The following ZSCAN25 variants were observed in gnomAD, a reference collection of about 807,000 sequenced individuals.
ZSCAN25 encodes zinc finger and SCAN domain-containing protein 25.
In ZSCAN25, 27 loss-of-function variants were observed where a neutral mutation model predicts 38.7. The observed-to-expected ratio is 0.70, with a 90% CI of 0.51 to 0.96. The LOEUF (loss-of-function observed/expected upper bound fraction) is 0.96. ZSCAN25 is among the 40% of genes least tolerant of loss of function. ZSCAN25 has a pLI of 0.00. For synonymous variants in ZSCAN25, 273 were observed against 277.7 expected, an observed-to-expected ratio of 0.98 and a Z score of 0.17; for missense variants, 637 against 705.9, an observed-to-expected ratio of 0.90 and a Z score of 1.11.
At chr7:99,671,594 T>G in the ZSCAN25 span, 14 of 431,756 alleles carry the variant, frequency 3.2e-5, no homozygotes, top group Non-Finnish European at 4.5e-5. Flanking sequence ...TAACACAAAA[T>G]GGGTAATAGA....
At chr7:99,679,244 G>A in the ZSCAN25 span, among the ~76,000 whole-genome samples, 1 of 152,154 alleles carries the variant, frequency 6.6e-6, no homozygotes, top group African/African-American at 2.4e-5. Flanking sequence ...CAGGGGCATG[G>A]CACAGGAAAG....
chr7:99,663,120 C>T, the ZSCAN25 span: 1 of 1,236,604 alleles, frequency 8.1e-7, no homozygotes, highest in Non-Finnish European at 1.0e-6. Flanking sequence ...TCGCCTTTGC[C>T]CTCCCTGTTT....
chr7:99,638,537 G>T, the ZSCAN25 span: 1 of 1,518,360 alleles, frequency 6.6e-7, no homozygotes, highest in Non-Finnish European at 9.1e-7. Flanking sequence ...TCCCAGTGTA[G>T]TTATGCCGCG....
chr7:99,663,835 A>G, the ZSCAN25 span: 7 of 1,371,414 alleles, frequency 5.1e-6, no homozygotes, highest in East Asian at 1.9e-4. Flanking sequence ...ATTTCTACCA[A>G]ATGGCTTCTC....
the ZSCAN25 span, chr7:99,677,320 C>T: frequency 1.1e-6 from 1 of 885,934 alleles, no homozygotes; most frequent in Non-Finnish European, 1.4e-6. Context: ...ACAGTTGGCT[C>T]CAGAGAGGCA....
chr7:99,677,083 G>T, the ZSCAN25 span: 3 of 681,006 alleles, frequency 4.4e-6, no homozygotes, highest in Non-Finnish European at 5.4e-6. Flanking sequence ...GCCTCTGTAC[G>T]TGAAGTATCT....
At chr7:99,717,461 T>C in the ZSCAN25 span, 1 of 1,602,294 alleles carries the variant, frequency 6.2e-7, no homozygotes, top group Non-Finnish European at 8.5e-7. Context: ...CTGATCTTAC[T>C]TTCTACCTGT....
At chr7:99,634,451 C>T (rs559346781), downstream of ZSCAN25, among the ~76,000 whole-genome samples, 73 of 149,964 alleles carry the variant, frequency 4.9e-4, no homozygotes, top group Admixed American at 2.3e-3. Context: ...GCCAGGAGTT[C>T]GAGACCAGCC....
downstream of ZSCAN25, among the ~76,000 whole-genome samples, chr7:99,636,257 G>T (rs1223047436): frequency 6.6e-6 from 1 of 152,104 alleles, no homozygotes; most frequent in Non-Finnish European, 1.5e-5. Flanking sequence ...AAAGCAACCA[G>T]TGTTCTTAGA....
At chr7:99,662,776 G>A in the ZSCAN25 span, 28 of 1,576,074 alleles carry the variant, frequency 1.8e-5, no homozygotes, top group African/African-American at 2.7e-5. This position sits in a 1 kb window ranked among gnomAD's most constrained non-coding sequence, Gnocchi z 4.3. Flanking sequence ...CTCCCTCTTA[G>A]TGTCCCCGCC....
chr7:99,621,461 T>C lies in ZSCAN25; in HGVS notation c.476T>C (p.Val159Ala). Residue 159 changes from valine (V) to alanine (A), a missense_variant, in exon 5 of 8, where the codon GTC becomes GCC. Transcript: ENST00000394152. The part of the protein sequence containing the change: ...EPGIQLGPVE[V>A]KPEWGMPPGE... ...GGCATCCAGCTGGGGCCAGTGGAGG[T>C]CAAGCCTGAATGGGGGATGCCCCCT... The C allele has an allele frequency of 1.3e-6, 2 of 1,564,318 alleles. No individual in the cohort carries two copies. The highest frequency in any genetic ancestry group is 1.7e-6 in the Non-Finnish European group (2 of 1,150,148).
At chr7:99,722,390 T>C in the ZSCAN25 span, 3 of 1,607,648 alleles carry the variant, frequency 1.9e-6, no homozygotes, top group Non-Finnish European at 2.6e-6. Context: ...TTATTTTAAG[T>C]GTACTTAACC....
At chr7:99,672,489 A>C in the ZSCAN25 span, 1 of 1,129,192 alleles carries the variant, frequency 8.9e-7, no homozygotes, top group Non-Finnish European at 1.3e-6. Flanking sequence ...TACATTTTTT[A>C]GGTAACCTTC....
At chr7:99,709,341 T>C in the ZSCAN25 span, 2 of 1,553,384 alleles carry the variant, frequency 1.3e-6, no homozygotes, top group Non-Finnish European at 1.7e-6. Context: ...ACTGTTGAAC[T>C]GTTAGAAGTT....
chr7:99,708,026 G>C, the ZSCAN25 span: 4 of 1,612,700 alleles, frequency 2.5e-6, 1 homozygote, highest in South Asian at 4.4e-5. Flanking sequence ...ATACCTCTAA[G>C]AGTTACATGT....
chr7:99,668,865 A>G, the ZSCAN25 span, among the ~76,000 whole-genome samples: 6 of 152,338 alleles, frequency 3.9e-5, no homozygotes, highest in Admixed American at 2.0e-4. Flanking sequence ...TTGAATTGAC[A>G]CTGTCAGGTA....
the ZSCAN25 span, among the ~76,000 whole-genome samples, chr7:99,721,123 C>T: frequency 6.6e-6 from 1 of 152,188 alleles, no homozygotes; most frequent in Non-Finnish European, 1.5e-5. Flanking sequence ...GCTGAGGCCA[C>T]CTTATAAAAT....
At chr7:99,700,282 T>G in the ZSCAN25 span, among the ~76,000 whole-genome samples, 3 of 152,192 alleles carry the variant, frequency 2.0e-5, no homozygotes, top group Non-Finnish European at 2.9e-5. Flanking sequence ...CTTAATCAGT[T>G]TTATCAGGGA....
chr7:99,629,765 C>T lies in ZSCAN25; in HGVS notation c.1380C>T (p.Thr460=), dbSNP rs1405138350. 4 of 1,614,238 alleles carry T rather than the reference C, an allele frequency of 2.5e-6. No homozygotes were observed. The highest frequency in any genetic ancestry group is 4.5e-5 in the East Asian group (2 of 44,884). ...CGCACACCGGGGAGAAGCCCTACAC[C>T]TGCGAGTGTGGCAAGAGCTTCAGCA... ...RRTHTGEKPY[T]CECGKSFSRN... Residue 460 remains threonine (T), a synonymous_variant, in exon 8 of 8, where the codon ACC becomes ACT. Transcript: ENST00000394152. The surrounding 1 kb of genome is among the most constrained non-coding windows in gnomAD (Gnocchi z 5.6).
Sources: gnomAD v4.1 joint callset for allele counts (sites outside exome capture counted in the v4.1 genomes callset) on GRCh38, gnomAD v4.1.1 for gene constraint, Gnocchi (gnomAD v3.1) non-coding constraint, MANE v1.5 for transcripts, NCBI Gene and HGNC (gene_info 2026-07-23, HGNC 2026-07-21) for gene names.